Variants in SEC24B observed in about 807,000 individuals in gnomAD.
The protein encoded by SEC24B is protein transport protein Sec24B.
A neutral mutation model predicts 142.8 loss-of-function variants in SEC24B; 45 were observed. That is an observed-to-expected ratio of 0.32 (90% confidence interval 0.25 to 0.40). The LOEUF is 0.40. Among genes scored for constraint, SEC24B ranks in the 10% least tolerant of loss-of-function variants. SEC24B has a pLI of 1.00. For missense variants in SEC24B, 1,409 were observed against 1,526.8 expected, an observed-to-expected ratio of 0.92 and a Z score of 1.29; for synonymous variants, 574 against 568.2, an observed-to-expected ratio of 1.01 and a Z score of -0.15.
At chr4:109,509,928 A>T in intron 7 of SEC24B, 81 bp from the exon 8 acceptor site, 1 of 795,500 alleles carries the variant, frequency 1.3e-6, no homozygotes, top group East Asian at 2.8e-5. Flanking sequence ...TATGTCCTTA[A>T]ATGTTCTTAG....
At chr4:109,452,066 C>G (rs924137525) in intron 1 of SEC24B, among the ~76,000 whole-genome samples, 1 of 148,276 alleles carries the variant, frequency 6.7e-6, no homozygotes, top group Non-Finnish European at 1.5e-5. Flanking sequence ...TGGAACAGTT[C>G]CATCACCATG....
intron 11 of SEC24B, among the ~76,000 whole-genome samples, chr4:109,519,201 T>C (rs926584111): frequency 5.9e-5 from 9 of 152,218 alleles, no homozygotes; most frequent in African/African-American, 2.2e-4. Context: ...TGGAGCAAGC[T>C]CCTATTCCGT....
At chr4:109,524,094 T>C (rs898019802) in intron 14 of SEC24B, among the ~76,000 whole-genome samples, 5 of 152,182 alleles carry the variant, frequency 3.3e-5, no homozygotes, top group Admixed American at 6.5e-5. Flanking sequence ...GAAGCTGATA[T>C]ATATTTACTG....
intron 7 of SEC24B, among the ~76,000 whole-genome samples, chr4:109,509,092 C>G (rs1328754178): frequency 1.3e-5 from 2 of 152,090 alleles, no homozygotes; most frequent in African/African-American, 2.4e-5. Context: ...CAGGTTTACC[C>G]AAAGACTTTT....
chr4:109,538,631 T>C (rs1186764723), intron 23 of SEC24B, 35 bp downstream of exon 23: 1 of 1,322,166 alleles, frequency 7.6e-7, no homozygotes, highest in Non-Finnish European at 1.1e-6. Context: ...TGAAGTTGTC[T>C]TTCCTATGTA....
At chr4:109,467,629 C>G (rs1408205789) in intron 2 of SEC24B, among the ~76,000 whole-genome samples, 1 of 152,088 alleles carries the variant, frequency 6.6e-6, no homozygotes, top group Non-Finnish European at 1.5e-5. Context: ...ACTGTAGATT[C>G]ATTTAAAATA....
At chr4:109,526,141 A>G (rs1196138095) in intron 16 of SEC24B, 85 bp from the exon 17 acceptor site, 2 of 1,285,308 alleles carry the variant, frequency 1.6e-6, no homozygotes, top group East Asian at 2.3e-5. Context: ...CAAAATCATA[A>G]ACATCTTTGA....
Position 109,494,619 on chromosome 4 carries a change from G to A in SEC24B, c.1251G>A (p.Met417Ile). 2 of 1,613,792 alleles carry A rather than the reference G, an allele frequency of 1.2e-6. No homozygotes were observed. Among genetic ancestry groups the A allele is most frequent in the Non-Finnish European group, 1.7e-6 (2 of 1,180,008 alleles). The change falls in exon 6 of 24, where the codon ATG (methionine) becomes ATA (isoleucine). Residue 417 changes from methionine (M) to isoleucine (I), a missense_variant. Physicochemically the swap from Met to Ile is conservative, Grantham distance 10 (BLOSUM62 1). Coordinates refer to ENST00000265175, the MANE Select transcript of SEC24B (RefSeq NM_006323.5). Reference sequence around the variant, plus strand: ...CCATGTGTTTCCATTTTTTAGATATGCTTTCTTCATCAGCAAGCAGTCCTG... The same window carrying A: ...CCATGTGTTTCCATTTTTTAGATATACTTTCTTCATCAGCAAGCAGTCCTG... ...DALEGGSYPDMLSSSASSPAP... is the reference protein window; with the variant it reads ...DALEGGSYPDILSSSASSPAP...
chr4:109,521,117 A>G lies in SEC24B; in HGVS notation c.2246A>G (p.Asp749Gly), dbSNP rs1370870009. Residue 749 changes from aspartate to glycine, a missense_variant and splice_region_variant, in exon 13 of 24, where the codon GAT (aspartate) becomes GGT (glycine). By Grantham distance (94) the Asp-to-Gly change is moderately conservative. Transcript: ENST00000265175. ...ATTAAAATATGTGTTTTCCCTATAG[A>G]TGTTTTTCTACCTACACCGGATAGT... Reference protein sequence around the residue: ...PQMLIVSDIDDVFLPTPDSLL... With the variant: ...PQMLIVSDIDGVFLPTPDSLL... 16 of 1,493,450 alleles carry G rather than the reference A, an allele frequency of 1.1e-5. No individual in the cohort carries two copies. The highest frequency in any genetic ancestry group is 4.2e-5 in the African/African-American group (3 of 72,118). The allele number at this position is 1,493,450 out of a possible 1,614,324, so 92.5% of individuals were successfully genotyped here.
intron 11 of SEC24B, among the ~76,000 whole-genome samples, chr4:109,519,923 A>G (rs1723422511): frequency 6.6e-6 from 1 of 152,244 alleles, no homozygotes; most frequent in Non-Finnish European, 1.5e-5. Flanking sequence ...TTATTAATAA[A>G]GAAAGCTTGA....
chr4:109,484,931 T>C (rs918894560), intron 4 of SEC24B, among the ~76,000 whole-genome samples: 1 of 152,082 alleles, frequency 6.6e-6, no homozygotes, highest in Non-Finnish European at 1.5e-5. Context: ...GAGTATATTA[T>C]AGATTTAAAA....
intron 22 of SEC24B, 50 bp from the exon 23 acceptor site, chr4:109,538,443 G>A: frequency 7.9e-7 from 1 of 1,269,242 alleles, no homozygotes; most frequent in Non-Finnish European, 1.2e-6. Context: ...TTCTATTACT[G>A]CTGAAGTCTA....
At chr4:109,459,729 A>G (rs1187278649) in intron 1 of SEC24B, among the ~76,000 whole-genome samples, 2 of 152,298 alleles carry the variant, frequency 1.3e-5, no homozygotes, top group East Asian at 1.9e-4. Context: ...AAAGAATGAC[A>G]TTTGAATAGT....
chr4:109,511,060 A>G (rs956710466), intron 8 of SEC24B, among the ~76,000 whole-genome samples: 2 of 151,994 alleles, frequency 1.3e-5, no homozygotes, highest in East Asian at 1.9e-4. Flanking sequence ...TTAATCACCT[A>G]TAATACTCTG....
intron 1 of SEC24B, among the ~76,000 whole-genome samples, chr4:109,458,833 A>AT (rs58779960): frequency 0.045 from 6,613 of 146,976 alleles, 428 homozygotes; most frequent in African/African-American, 0.15. Context: ...CACTTTCTGT[A>AT]TTTTTTTTTT....
chr4:109,511,818 G>C (rs768529216), intron 8 of SEC24B, 139 bp from the exon 9 acceptor site: 25 of 799,562 alleles, frequency 3.1e-5, no homozygotes, highest in Non-Finnish European at 4.3e-5. Context: ...CATGTCCCTG[G>C]ATTTTATTAA....
At chr4:109,524,415 CTTAAG>C (rs889243176) in intron 14 of SEC24B, among the ~76,000 whole-genome samples, 3 of 152,136 alleles carry the variant, frequency 2.0e-5, no homozygotes, top group African/African-American at 7.2e-5. Flanking sequence ...CTTTTACTCT[CTTAAG>C]TTATTTAACA....
At chr4:109,529,539 T>A (rs1724659593) in intron 18 of SEC24B, among the ~76,000 whole-genome samples, 1 of 152,202 alleles carries the variant, frequency 6.6e-6, no homozygotes, top group South Asian at 2.1e-4. Context: ...TATTTTTCCC[T>A]TTCAAAAAAT....
chr4:109,494,827 G>T lies in SEC24B; in HGVS notation c.1459G>T (p.Val487Leu), dbSNP rs778723637. 14 of 1,613,836 alleles carry T rather than the reference G, an allele frequency of 8.7e-6. No homozygotes were observed. Among genetic ancestry groups the T allele is most frequent in the Admixed American group, 8.3e-5 (5 of 60,006 alleles). Residue 487 changes from valine to leucine, a missense_variant, in exon 6 of 24, where the codon GTA (valine) becomes TTA (leucine). Val to Leu is a conservative substitution (Grantham distance 32). Transcript: ENST00000265175. The part of the protein sequence containing the change: ...LISGVQPSNP[V>L]YSGFQQYPQQ... The stretch of plus-strand genomic sequence containing the variant: ...TTCTGGAGTACAGCCCAGTAACCCG[G>T]TATATTCTGGATTCCAGCAGTATCC...
Sources: gnomAD v4.1 joint callset for allele counts (sites outside exome capture counted in the v4.1 genomes callset) on GRCh38, gnomAD v4.1.1 for gene constraint, MANE v1.5 for transcripts, NCBI Gene and HGNC (gene_info 2026-07-23, HGNC 2026-07-21) for gene names.